The following COL25A1 variants were observed in gnomAD, a reference collection of about 807,000 sequenced individuals.
COL25A1 encodes the protein collagen type XXV alpha 1 chain.
Under a neutral mutation model 128.4 loss-of-function variants are expected in COL25A1, and 103 were observed. The ratio of observed to expected loss-of-function variants is 0.80; its 90% CI spans 0.68 to 0.94. The LOEUF (loss-of-function observed/expected upper bound fraction) is 0.94, where lower values mean the gene tolerates loss of function less well. Ranked by LOEUF, COL25A1 falls within the 40% of genes least tolerant of loss-of-function variation. The pLI is 0.00. For missense variants in COL25A1, 745 were observed against 840.0 expected (o/e 0.89, Z 1.40); for synonymous variants, 279 against 277.2 (o/e 1.01, Z -0.06).
At chr4:109,132,112 A>T (rs906513788) in intron 3 of COL25A1, among the ~76,000 whole-genome samples, 9 of 152,174 alleles carry the variant, frequency 5.9e-5, no homozygotes, top group Admixed American at 1.3e-4. Context: ...GATAGTCACA[A>T]ATGCATCAGT....
chr4:109,015,804 T>C (rs1757154569), intron 5 of COL25A1, among the ~76,000 whole-genome samples: 1 of 152,158 alleles, frequency 6.6e-6, no homozygotes, highest in South Asian at 2.1e-4. Flanking sequence ...ACATGATAAA[T>C]GAGATGACCT....
chr4:109,302,056 C>A lies in COL25A1; in HGVS notation c.-37G>T, dbSNP rs760423962. 4 of 1,536,176 alleles carry A rather than the reference C, an allele frequency of 2.6e-6. No individual in the cohort carries two copies. The African/African-American group carries it at 4.1e-5, about 16-fold the overall frequency. ...CGGCCGTCTCGGCTTCGCTTCCCAC[C>A]CTCTACACCTCAAATAATCCTAAAA... On this transcript the variant is annotated 5_prime_UTR_variant, in exon 2 of 38. Transcript: ENST00000399132.
chr4:109,102,878 G>GA (rs1259456052), intron 3 of COL25A1, among the ~76,000 whole-genome samples: 1 of 152,092 alleles, frequency 6.6e-6, no homozygotes, highest in East Asian at 1.9e-4. Context: ...TATCCAATCT[G>GA]AAAAATCTCT....
At chr4:108,847,172 C>T (rs1364747215) in intron 27 of COL25A1, among the ~76,000 whole-genome samples, 1 of 152,100 alleles carries the variant, frequency 6.6e-6, no homozygotes, top group Admixed American at 6.5e-5. Flanking sequence ...TCCCAAAGTG[C>T]TGGGATTACA....
intron 18 of COL25A1, among the ~76,000 whole-genome samples, chr4:108,886,155 T>A (rs1358628115): frequency 6.6e-6 from 1 of 152,232 alleles, no homozygotes; most frequent in African/African-American, 2.4e-5. Context: ...AATTCATATT[T>A]CTCATAGTTT....
At chr4:108,818,492 A>G (rs1260556999) in intron 36 of COL25A1, among the ~76,000 whole-genome samples, 1 of 152,212 alleles carries the variant, frequency 6.6e-6, no homozygotes, top group African/African-American at 2.4e-5. Flanking sequence ...AAAAAGCTTC[A>G]TAAATATTTG....
At chr4:109,126,685 C>T (rs17039893) in intron 3 of COL25A1, among the ~76,000 whole-genome samples, 24,064 of 151,850 alleles carry the variant, frequency 0.16, 2,282 homozygotes, top group East Asian at 0.36. Flanking sequence ...TTTGAGATAC[C>T]ACCTCTCGAG....
chr4:108,818,964 TG>T (rs1360589100), intron 36 of COL25A1, among the ~76,000 whole-genome samples: 1 of 152,164 alleles, frequency 6.6e-6, no homozygotes, highest in Non-Finnish European at 1.5e-5. Context: ...ATAATTTTAA[TG>T]TAATCTTTAA....
intron 3 of COL25A1, among the ~76,000 whole-genome samples, chr4:109,134,263 T>C (rs1026160612): frequency 1.3e-5 from 2 of 151,716 alleles, no homozygotes; most frequent in South Asian, 2.1e-4. Flanking sequence ...TAGGTTTTTA[T>C]AGTAGATAAT....
chr4:109,058,711 C>T (rs1041950813), intron 3 of COL25A1, among the ~76,000 whole-genome samples: 12 of 152,222 alleles, frequency 7.9e-5, no homozygotes, highest in Non-Finnish European at 1.5e-4. Flanking sequence ...AAGCTTTTGC[C>T]AAATTGCCGA....
intron 3 of COL25A1, among the ~76,000 whole-genome samples, chr4:109,113,073 TAGGAAAGGCTTCTACACCGGAGAG>T (rs958409387): frequency 1.1e-4 from 16 of 152,072 alleles, no homozygotes; most frequent in African/African-American, 3.9e-4. Context: ...AAGTGGAGAA[TAGGAAAGGCTTCTACACCGGAGAG>T]AGGAAAAACA....
intron 19 of COL25A1, among the ~76,000 whole-genome samples, chr4:108,883,623 T>TGC (rs1740405400): frequency 1.3e-5 from 2 of 152,208 alleles, no homozygotes; most frequent in Non-Finnish European, 2.9e-5. Flanking sequence ...AAACTAAGCT[T>TGC]TAAGCAATTA....
intron 3 of COL25A1, among the ~76,000 whole-genome samples, chr4:109,197,941 T>C (rs1424774938): frequency 6.6e-6 from 1 of 152,176 alleles, no homozygotes; most frequent in Non-Finnish European, 1.5e-5. Context: ...CTTTACTATG[T>C]TGTCAATATT....
rs957699137 is a variant in COL25A1 at position 109,244,566 on chromosome 4, C to T, written c.367+56017G>A. On this transcript the variant is annotated intron_variant, in intron 3 of 37. Coordinates refer to ENST00000399132, the MANE Select transcript of COL25A1 (RefSeq NM_198721.4). ...CAGCCCTGAGAATAATTATGAGGGC[C>T]TAGTTATTTTCTGCTATGCTGCACA... 4.6e-5 allele frequency among the ~76,000 whole-genome samples: 7 copies of T among 152,088 alleles called. No individual in the cohort carries two copies. In the East Asian group the frequency reaches 1.4e-3, roughly 29 times the overall value.
rs2125897559 is a variant in COL25A1, at chr4:108,919,169, A to T, written c.736-953T>A. Among the ~76,000 whole-genome samples, 2 of 152,144 alleles carry T rather than the reference A, an allele frequency of 1.3e-5. 1 individual carries two copies. The highest frequency in any genetic ancestry group is 4.1e-4 in the South Asian group (2 of 4,822). The stretch of plus-strand genomic sequence containing the variant: ...TGTAATTATAGACCAAAACTCCCCT[A>T]AAAAAATGGTCTGTAATTATAGACC... On this transcript the variant is annotated intron_variant, in intron 12 of 37. Coordinates refer to ENST00000399132, the MANE Select transcript of COL25A1 (RefSeq NM_198721.4).
intron 11 of COL25A1, among the ~76,000 whole-genome samples, chr4:108,936,844 G>T (rs920417241): frequency 1.3e-5 from 2 of 148,418 alleles, no homozygotes; most frequent in Non-Finnish European, 3.0e-5. Flanking sequence ...GGGTCTCACC[G>T]TGTTACCCAG....
At chr4:109,152,973 G>C (rs1327482777) in intron 3 of COL25A1, among the ~76,000 whole-genome samples, 1 of 152,068 alleles carries the variant, frequency 6.6e-6, no homozygotes, top group Non-Finnish European at 1.5e-5. Context: ...ATGGTTGCAT[G>C]ACAACCTGAA....
chr4:109,229,058 G>A (rs949947712), intron 3 of COL25A1, among the ~76,000 whole-genome samples: 2 of 152,182 alleles, frequency 1.3e-5, no homozygotes, highest in Non-Finnish European at 2.9e-5. Flanking sequence ...GAACAAAAAT[G>A]CTCAAGAGAC....
chr4:108,990,230 AAAAAAAAAAATATATATATATATATAT>A (rs1754054565), intron 6 of COL25A1, among the ~76,000 whole-genome samples: 2 of 70,330 alleles, frequency 2.8e-5, no homozygotes, highest in Admixed American at 2.2e-4. Context: ...AAAAAAAAAA[AAAAAAAAAAATATATATATATATATAT>A]ATATATATAT....
Sources: allele counts gnomAD v4.1 joint callset (sites outside exome capture counted in the v4.1 genomes callset), GRCh38; gene constraint gnomAD v4.1.1; transcripts MANE v1.5; gene names NCBI Gene and HGNC (gene_info 2026-07-23, HGNC 2026-07-21).